The following KAT6A variants were observed in gnomAD, a reference collection of about 807,000 sequenced individuals.
KAT6A encodes histone acetyltransferase KAT6A.
In KAT6A, 9 loss-of-function variants were observed where a neutral mutation model predicts 198.4. The observed-to-expected ratio is 0.05, with a 90% confidence interval of 0.03 to 0.08. The LOEUF (loss-of-function observed/expected upper bound fraction) is 0.08, where lower values mean the gene tolerates loss of function less well. KAT6A is among the 10% of genes least tolerant of loss of function. The pLI is 1.00. For missense variants in KAT6A, 2,077 were observed against 2,509.9 expected, an observed-to-expected ratio of 0.83 and a Z score of 3.69; for synonymous variants, 890 against 883.0, an observed-to-expected ratio of 1.01 and a Z score of -0.14.
chr8:41,938,261 T>C (rs975372549), intron 15 of KAT6A, among the ~76,000 whole-genome samples: 9 of 152,238 alleles, frequency 5.9e-5, no homozygotes, highest in Admixed American at 2.0e-4. Flanking sequence ...CTTGCTTAAG[T>C]TCACACATCC....
intron 16 of KAT6A, among the ~76,000 whole-genome samples, chr8:41,935,365 G>C (rs896215117): frequency 2.0e-5 from 3 of 151,826 alleles, no homozygotes; most frequent in African/African-American, 7.3e-5. Flanking sequence ...GTAGTATGAT[G>C]AGCCAATTAC....
intron 2 of KAT6A, among the ~76,000 whole-genome samples, chr8:41,991,980 T>C (rs1424252239): frequency 5.9e-5 from 9 of 151,996 alleles, no homozygotes. Context: ...CAATAATCAA[T>C]TTTGGAAAGA....
chr8:41,943,789 G>A lies in KAT6A; in HGVS notation c.2187C>T (p.Ser729=). The A allele has an allele frequency of 1.2e-6, 2 of 1,613,882 alleles. No homozygotes were observed. Among genetic ancestry groups the A allele is most frequent in the Middle Eastern group, 1.7e-4 (1 of 6,060 alleles). ...LTGICPQDIT[S]TLHHLRMLDF... is the part of the protein sequence containing the mutation. ...CCAGCATTCGTAGGTGGTGGAGTGT[G>A]GAAGTGATGTCTTGAGGGCAGATTC... is the stretch of plus-strand genomic sequence containing the variant. The change falls in exon 13 of 17, where the codon TCC becomes TCT. Residue 729 remains serine, a synonymous_variant. Coordinates refer to ENST00000265713, the MANE Select transcript of KAT6A (RefSeq NM_006766.5).
In KAT6A at chr8:42,049,155, AG is replaced by A; in HGVS notation, c.-179del. On this transcript the variant is annotated 5_prime_UTR_variant, in exon 2 of 17. The change abolishes the stop of an existing upstream ORF in the 5' untranslated region. Coordinates refer to ENST00000265713, the MANE Select transcript of KAT6A (RefSeq NM_006766.5). ...CAGAATGCCACCCCAATTGTACTAT[AG>A]AAACCAAAACAACCTGTTGATTGAA... 1 of 619,152 alleles carries A rather than the reference AG, an allele frequency of 1.6e-6. No individual in the cohort carries two copies. The highest frequency in any genetic ancestry group is 2.3e-5 in the South Asian group (1 of 43,150). The allele number at this position is 619,152 out of a possible 1,614,324, so 38.4% of individuals were successfully genotyped here.
Position 41,934,034 on chromosome 8 carries a change from G to C in KAT6A, c.4186C>G (p.His1396Asp). 6.2e-7 allele frequency: 1 copy of C among 1,614,020 alleles called. No homozygotes were observed. ...TCCTTAGTGTGGGAGTCTTCTTCGT[G>C]GTCGTCCTCAGACCCAGCCATCTGC... is the stretch of plus-strand genomic sequence containing the variant. The part of the protein sequence containing the change: ...SEQMAGSEDD[H>D]EEDSHTKEEL... The change falls in exon 17 of 17, where the codon CAC becomes GAC. Residue 1396 changes from histidine to aspartate, a missense_variant. Coordinates refer to ENST00000265713, the MANE Select transcript of KAT6A (RefSeq NM_006766.5).
At chr8:41,954,355 G>C (rs1465868521) in intron 9 of KAT6A, among the ~76,000 whole-genome samples, 2 of 152,164 alleles carry the variant, frequency 1.3e-5, no homozygotes, top group Non-Finnish European at 2.9e-5. Flanking sequence ...ATTTTGGCCA[G>C]GCAATGTTAC....
intron 2 of KAT6A, among the ~76,000 whole-genome samples, chr8:42,038,024 T>C (rs1010347109): frequency 4.6e-5 from 7 of 152,234 alleles, no homozygotes; most frequent in African/African-American, 1.7e-4. Context: ...TATACACTTT[T>C]GGTCCACCCA....
At chr8:42,023,399 T>C (rs1029452217) in intron 2 of KAT6A, among the ~76,000 whole-genome samples, 12 of 152,236 alleles carry the variant, frequency 7.9e-5, no homozygotes, top group African/African-American at 2.7e-4. Flanking sequence ...CTTTTTACAT[T>C]ATAAACTTTT....
At chr8:41,950,903 A>G (rs774028650) in intron 9 of KAT6A, among the ~76,000 whole-genome samples, 1 of 152,212 alleles carries the variant, frequency 6.6e-6, no homozygotes, top group Non-Finnish European at 1.5e-5. Flanking sequence ...AAAATATTCA[A>G]TAAATGCTAA....
Position 41,931,299 on chromosome 8 carries a change from G to A in KAT6A, c.*906C>T. ...TGTGTGCGTTATGGCTGATTCACCA[G>A]GTGGTAAAAAAACAAGAGGTTAATC... On this transcript the variant is annotated 3_prime_UTR_variant, in exon 17 of 17. Coordinates refer to ENST00000265713, the MANE Select transcript of KAT6A (RefSeq NM_006766.5). The A allele has an allele frequency of 9.1e-6, 2 of 218,608 alleles. No individual in the cohort carries two copies. The highest frequency in any genetic ancestry group is 9.2e-6 in the Non-Finnish European group (1 of 108,592). 13.5% of individuals were successfully genotyped at this position (218,608 alleles called of 1,614,324 possible). A position where few individuals can be genotyped will look rare whatever the true frequency, so the allele number is the denominator to read the frequency against.
intron 2 of KAT6A, among the ~76,000 whole-genome samples, chr8:42,036,623 G>A (rs956901054): frequency 5.3e-5 from 8 of 151,944 alleles, no homozygotes; most frequent in African/African-American, 1.9e-4. Context: ...AAAAAAAAAA[G>A]GAGAAGGTGG....
chr8:42,047,747 G>A (rs1051796132), intron 2 of KAT6A, among the ~76,000 whole-genome samples: 3 of 152,036 alleles, frequency 2.0e-5, no homozygotes, highest in African/African-American at 7.3e-5. Context: ...CTGTATTCCT[G>A]TCCCATGCAA....
At chr8:41,985,144 C>A (rs1206024755) in intron 3 of KAT6A, among the ~76,000 whole-genome samples, 2 of 152,050 alleles carry the variant, frequency 1.3e-5, no homozygotes, top group Non-Finnish European at 2.9e-5. Flanking sequence ...CCACCTAGAA[C>A]AACTCATTCT....
At chr8:42,010,242 T>C (rs1825960735) in intron 2 of KAT6A, among the ~76,000 whole-genome samples, 1 of 152,044 alleles carries the variant, frequency 6.6e-6, no homozygotes, top group African/African-American at 2.4e-5. Context: ...GAGGCAGAGG[T>C]TGCAGTGAGC....
rs1824088335 is a variant in KAT6A at position 41,977,042 on chromosome 8, G to T, written c.1329C>A (p.Gly443=). The T allele has an allele frequency of 1.9e-6, 3 of 1,611,174 alleles. No individual in the cohort carries two copies. The highest frequency in any genetic ancestry group is 2.5e-6 in the Non-Finnish European group (3 of 1,178,124). The change falls in exon 7 of 17, where the codon GGC becomes GGA. Residue 443 remains glycine, a synonymous_variant. Transcript: ENST00000265713. The stretch of plus-strand genomic sequence containing the variant: ...AATCTGAAGTGCTTGATTTCCTGTT[G>T]CCCCTCTTTCTGATTCGATATTGCT... ...YSEQYRIRKR[G]NRKSSTSDWP...
chr8:42,050,542 A>T (rs1802560178), intron 1 of KAT6A, among the ~76,000 whole-genome samples: 2 of 152,222 alleles, frequency 1.3e-5, no homozygotes, highest in Non-Finnish European at 2.9e-5. Context: ...ATTAACTCTG[A>T]TAGGAAAGAA....
chr8:42,016,692 G>C (rs558372046), intron 2 of KAT6A, among the ~76,000 whole-genome samples: 1 of 152,254 alleles, frequency 6.6e-6, no homozygotes, highest in South Asian at 2.1e-4. Flanking sequence ...TATACAAGTA[G>C]ATGGCTTTAC....
chr8:42,030,798 G>C (rs549504930), intron 2 of KAT6A, among the ~76,000 whole-genome samples: 1 of 152,002 alleles, frequency 6.6e-6, no homozygotes, highest in Non-Finnish European at 1.5e-5. Context: ...GGCTGGACTT[G>C]AACTCCTGAC....
rs756391340 is a variant in KAT6A at position 41,947,772 on chromosome 8, G to A, written c.1881C>T (p.His627=). Residue 627 remains histidine, a synonymous_variant, in exon 11 of 17, where the codon CAC becomes CAT. Transcript: ENST00000265713. ...VLTQNDVKGC[H]LVGYFSKEKH... ...TTACCTTAGAAAAGTAGCCAACAAGGTGGCAGCCCTTGACATCATTCTGTG... is the reference window on the plus strand; with the variant it reads ...TTACCTTAGAAAAGTAGCCAACAAGATGGCAGCCCTTGACATCATTCTGTG... The A allele has an allele frequency of 5.6e-6, 9 of 1,595,930 alleles. No homozygotes were observed. In the East Asian group the frequency reaches 1.8e-4, roughly 32 times the overall value.
Sources: allele counts gnomAD v4.1 joint callset (sites outside exome capture counted in the v4.1 genomes callset), GRCh38; gene constraint gnomAD v4.1.1; transcripts MANE v1.5; gene names NCBI Gene and HGNC (gene_info 2026-07-23, HGNC 2026-07-21).